ARHGAP26: variants seen among roughly 807,000 people sequenced by gnomAD.
The protein encoded by ARHGAP26 is Rho GTPase activating protein 26, also known as rho GTPase-activating protein 26.
In ARHGAP26, 38 loss-of-function variants were observed where a neutral mutation model predicts 104.8. The observed-to-expected ratio is 0.36, with a 90% CI of 0.28 to 0.48. ARHGAP26 has a LOEUF of 0.48. ARHGAP26 is among the 20% of genes least tolerant of loss of function. The pLI is 0.99. For synonymous variants in ARHGAP26, 341 were observed against 340.0 expected (o/e 1.00, Z -0.03); for missense variants, 704 against 947.9 (o/e 0.74, Z 3.38).
At chr5:143,053,400 C>T (rs1785313322) in intron 14 of ARHGAP26, among the ~76,000 whole-genome samples, 1 of 152,100 alleles carries the variant, frequency 6.6e-6, no homozygotes, top group South Asian at 2.1e-4. Flanking sequence ...AGTCTTTAGC[C>T]AGTATGAGGG....
intron 17 of ARHGAP26, among the ~76,000 whole-genome samples, chr5:143,078,574 A>C (rs1241234627): frequency 2.0e-5 from 3 of 152,168 alleles, no homozygotes; most frequent in Non-Finnish European, 4.4e-5. Flanking sequence ...GTTTTCAGAT[A>C]ATAGTATTTT....
intron 20 of ARHGAP26, among the ~76,000 whole-genome samples, chr5:143,191,585 T>C: frequency 6.6e-6 from 1 of 152,184 alleles, no homozygotes; most frequent in East Asian, 1.9e-4. Flanking sequence ...AAGTAGACAT[T>C]TGTTAAAGAG....
intron 1 of ARHGAP26, among the ~76,000 whole-genome samples, chr5:142,826,516 C>T (rs546954920): frequency 1.1e-4 from 16 of 152,348 alleles, no homozygotes; most frequent in Admixed American, 2.0e-4. Flanking sequence ...CGTGCTAGCA[C>T]GAGGATTATT....
At chr5:142,911,945 C>T (rs561354227) in intron 9 of ARHGAP26, among the ~76,000 whole-genome samples, 28 of 152,312 alleles carry the variant, frequency 1.8e-4, no homozygotes, top group African/African-American at 6.7e-4. Flanking sequence ...CCTCCTAGGC[C>T]TTCTGTGTTT....
intron 17 of ARHGAP26, among the ~76,000 whole-genome samples, chr5:143,113,406 C>G (rs891704786): frequency 3.3e-5 from 5 of 152,192 alleles, no homozygotes; most frequent in African/African-American, 1.2e-4. Flanking sequence ...ATTCACAGAG[C>G]TTTGACATCC....
chr5:142,938,447 A>G (rs1765772276), intron 11 of ARHGAP26, among the ~76,000 whole-genome samples: 1 of 152,210 alleles, frequency 6.6e-6, no homozygotes, highest in Non-Finnish European at 1.5e-5. Context: ...TTGGACACGG[A>G]AACCTTAGTT....
At chr5:142,846,476 TCTC>T (rs1346467079) in intron 1 of ARHGAP26, among the ~76,000 whole-genome samples, 2 of 152,166 alleles carry the variant, frequency 1.3e-5, no homozygotes, top group African/African-American at 2.4e-5. Context: ...TTGACCTTCT[TCTC>T]CTCTCTGGCA....
intron 17 of ARHGAP26, among the ~76,000 whole-genome samples, chr5:143,092,774 A>G (rs761842088): frequency 1.3e-5 from 2 of 152,232 alleles, no homozygotes; most frequent in Non-Finnish European, 2.9e-5. Context: ...TTAACTTAGA[A>G]TTGGTATAGA....
rs1811523960 is a variant in ARHGAP26, at chr5:143,224,749, A to T, written c.*2303A>T. Reference sequence around the variant, plus strand: ...TGCTTTCCCTTCTCCTAAACATTTTAAAACTCTTCCCTTTCACCTCCAATT... The same window carrying T: ...TGCTTTCCCTTCTCCTAAACATTTTTAAACTCTTCCCTTTCACCTCCAATT... On this transcript the variant is annotated 3_prime_UTR_variant, in exon 23 of 23. Transcript: ENST00000645722. The T allele has an allele frequency of 4.4e-6, 1 of 228,516 alleles. No homozygotes were observed. The highest frequency in any genetic ancestry group is 2.2e-5 in the African/African-American group (1 of 45,090). The allele number at this position is 228,516 out of a possible 1,614,324, so 14.2% of individuals were successfully genotyped here. A position where few individuals can be genotyped will look rare whatever the true frequency, so the allele number is the denominator to read the frequency against.
Position 143,013,498 on chromosome 5 carries a change from TAAC to T in ARHGAP26, c.1108-580_1108-578del, listed in dbSNP as rs1779166298. 2.0e-5 allele frequency among the ~76,000 whole-genome samples: 3 copies of T among 152,370 alleles called. No individual in the cohort carries two copies. In the South Asian group the frequency reaches 6.2e-4, roughly 32 times the overall value. On this transcript the variant is annotated intron_variant, in intron 11 of 22. Transcript: ENST00000645722. ...CTATGGAAAATATATATTCTCCTTA[TAAC>T]ATTCAAATTTCTAGAAGTATGTAGA...
At chr5:143,060,446 A>G (rs10213741) in intron 17 of ARHGAP26, among the ~76,000 whole-genome samples, 1 of 152,070 alleles carries the variant, frequency 6.6e-6, no homozygotes, top group Non-Finnish European at 1.5e-5. Context: ...GAGGGGAAAA[A>G]AAGTATTGGG....
chr5:143,213,310 C>T (rs1809806337), intron 21 of ARHGAP26, among the ~76,000 whole-genome samples: 1 of 152,112 alleles, frequency 6.6e-6, no homozygotes, highest in African/African-American at 2.4e-5. Context: ...AAAAAAAATG[C>T]CTCATGTCCC....
Position 142,790,482 on chromosome 5 carries a change from A to G in ARHGAP26, c.154+19567A>G, listed in dbSNP as rs111914637. Among the ~76,000 whole-genome samples the G allele has an allele frequency of 4.5e-3, 682 of 152,276 alleles. 5 individuals carry two copies. The highest frequency in any genetic ancestry group is 0.016 in the African/African-American group (652 of 41,542). Reference sequence around the variant, plus strand: ...TGGTAAGATAGAATCCATTTCTTACATGGCAGGCAGACCAATATTTTAGAA... The same window carrying G: ...TGGTAAGATAGAATCCATTTCTTACGTGGCAGGCAGACCAATATTTTAGAA... On this transcript the variant is annotated intron_variant, in intron 1 of 22. Transcript: ENST00000645722.
At chr5:142,816,955 C>A (rs1188714019) in intron 1 of ARHGAP26, among the ~76,000 whole-genome samples, 1 of 152,002 alleles carries the variant, frequency 6.6e-6, no homozygotes, top group African/African-American at 2.4e-5. Flanking sequence ...ACGGAGAAAC[C>A]TACAAGTGGG....
intron 11 of ARHGAP26, among the ~76,000 whole-genome samples, chr5:142,994,210 C>T (rs1776051189): frequency 6.6e-6 from 1 of 152,012 alleles, no homozygotes; most frequent in Non-Finnish European, 1.5e-5. Context: ...TAGAGGAGCA[C>T]GTATAGGTAG....
intron 1 of ARHGAP26, among the ~76,000 whole-genome samples, chr5:142,807,511 T>G (rs76035766): frequency 0.01 from 1,541 of 152,328 alleles, 12 homozygotes; most frequent in South Asian, 0.045. Context: ...CTGCAGGCCA[T>G]GCTTAGCAAA....
chr5:143,025,044 C>T (rs542521013), intron 12 of ARHGAP26, among the ~76,000 whole-genome samples: 1 of 152,068 alleles, frequency 6.6e-6, no homozygotes, highest in Non-Finnish European at 1.5e-5. Flanking sequence ...CTCAATGGTG[C>T]CTGGTATTAT....
chr5:143,147,654 G>T, intron 20 of ARHGAP26: 1 of 384,500 alleles, frequency 2.6e-6, no homozygotes, highest in Non-Finnish European at 4.6e-6. Flanking sequence ...TATTGCCTGT[G>T]CTGGCTGCTA....
intron 14 of ARHGAP26, among the ~76,000 whole-genome samples, chr5:143,044,351 T>A (rs1257994108): frequency 6.6e-6 from 1 of 152,170 alleles, no homozygotes; most frequent in Non-Finnish European, 1.5e-5. Context: ...TTGGTGTGGC[T>A]TTGTTCTCTG....
Sources: allele counts gnomAD v4.1 joint callset (sites outside exome capture counted in the v4.1 genomes callset), GRCh38; gene constraint gnomAD v4.1.1; transcripts MANE v1.5; gene names NCBI Gene and HGNC (gene_info 2026-07-23, HGNC 2026-07-21).